Variants in PKHD1 observed in about 807,000 individuals in gnomAD.
PKHD1 encodes the protein fibrocystin.
Under a neutral mutation model 412.0 loss-of-function variants are expected in PKHD1, and 291 were observed. The ratio of observed to expected loss-of-function variants is 0.71; its 90% CI spans 0.64 to 0.78. PKHD1 has a LOEUF of 0.78. Among genes scored for constraint, PKHD1 ranks in the 30% least tolerant of loss-of-function variants. The pLI, the probability that PKHD1 is intolerant of heterozygous loss-of-function variation, is 0.00. For missense variants in PKHD1, 4,825 were observed against 4,950.7 expected (o/e 0.97, Z 0.76); for synonymous variants, 1,777 against 1,821.5 (o/e 0.98, Z 0.62).
At chr6:51,931,820 G>A (rs921356834) in intron 37 of PKHD1, among the ~76,000 whole-genome samples, 1 of 151,708 alleles carries the variant, frequency 6.6e-6, no homozygotes, top group Non-Finnish European at 1.5e-5. Flanking sequence ...ATAGGAAAAG[G>A]GGGAGAGAGA....
At chr6:51,783,297 T>C (rs1409601376) in intron 53 of PKHD1, among the ~76,000 whole-genome samples, 4 of 148,902 alleles carry the variant, frequency 2.7e-5, no homozygotes, top group African/African-American at 9.8e-5. Flanking sequence ...CTATTAAACT[T>C]TAAATATCCA....
intron 43 of PKHD1, among the ~76,000 whole-genome samples, chr6:51,889,088 G>A (rs1778690182): frequency 6.6e-6 from 1 of 152,054 alleles, no homozygotes; most frequent in Admixed American, 6.6e-5. Context: ...GATGAAGGGA[G>A]TCTCCAAGGC....
At chr6:51,853,779 T>C (rs1772761260) in intron 49 of PKHD1, among the ~76,000 whole-genome samples, 1 of 152,224 alleles carries the variant, frequency 6.6e-6, no homozygotes, top group South Asian at 2.1e-4. Flanking sequence ...GTCGTTTATA[T>C]TCCTCTCTAA....
chr6:52,058,875 T>G (rs947874581), intron 15 of PKHD1, among the ~76,000 whole-genome samples: 1 of 152,104 alleles, frequency 6.6e-6, no homozygotes, highest in East Asian at 1.9e-4. Flanking sequence ...ACAACCAACC[T>G]AAACCCTAGG....
intron 13 of PKHD1, among the ~76,000 whole-genome samples, chr6:52,063,608 A>G (rs1809019057): frequency 6.6e-6 from 1 of 152,182 alleles, no homozygotes. Flanking sequence ...CCACCCCAGC[A>G]CTATTGATAT....
chr6:51,971,822 C>A lies in PKHD1; in HGVS notation c.5752-11796G>T, dbSNP rs370548784. Among the ~76,000 whole-genome samples, 21 of 152,156 alleles carry A rather than the reference C, an allele frequency of 1.4e-4. 1 individual carries two copies. Among genetic ancestry groups the A allele is most frequent in the African/African-American group, 4.8e-4 (20 of 41,532 alleles). On this transcript the variant is annotated intron_variant, in intron 35 of 66. Coordinates refer to ENST00000371117, the MANE Select transcript of PKHD1 (RefSeq NM_138694.4). ...CTCAAATCACTGCAGACTCGACCTCCTGGGATCAAGCAATCCTCCCACCCC... is the reference window on the plus strand; with the variant it reads ...CTCAAATCACTGCAGACTCGACCTCATGGGATCAAGCAATCCTCCCACCCC...
At chr6:51,670,044 C>A (rs1204559148) in intron 60 of PKHD1, among the ~76,000 whole-genome samples, 3 of 149,310 alleles carry the variant, frequency 2.0e-5, no homozygotes, top group Non-Finnish European at 4.5e-5. Context: ...GTGGAGAGTT[C>A]TGTAGATGTC....
intron 57 of PKHD1, among the ~76,000 whole-genome samples, chr6:51,751,613 G>A (rs1237766424): frequency 6.6e-6 from 1 of 152,158 alleles, no homozygotes; most frequent in Non-Finnish European, 1.5e-5. Flanking sequence ...AACCAGGCTC[G>A]AATCTACCAC....
chr6:51,981,337 C>G (rs1468151034), intron 35 of PKHD1, among the ~76,000 whole-genome samples: 2 of 64,598 alleles, frequency 3.1e-5, no homozygotes, highest in Non-Finnish European at 7.3e-5. Flanking sequence ...CCCTCTCCCT[C>G]TCCCTCTCCC....
At chr6:51,769,587 T>TA (rs1789705459) in intron 55 of PKHD1, among the ~76,000 whole-genome samples, 3 of 151,510 alleles carry the variant, frequency 2.0e-5, no homozygotes, top group African/African-American at 7.2e-5. Context: ...AATTTAATCT[T>TA]ACTAATTTTC....
At chr6:51,951,612 T>C (rs1034109315) in intron 36 of PKHD1, among the ~76,000 whole-genome samples, 22 of 152,274 alleles carry the variant, frequency 1.4e-4, no homozygotes, top group African/African-American at 5.3e-4. Context: ...TCTTATAGTA[T>C]TTATTAATTT....
intron 27 of PKHD1, among the ~76,000 whole-genome samples, chr6:52,037,904 C>T (rs918797897): frequency 1.3e-5 from 2 of 151,914 alleles, no homozygotes; most frequent in African/African-American, 2.4e-5. Flanking sequence ...AAAGTTGGAC[C>T]CTGTTTAGGG....
chr6:51,962,282 A>T (rs1211350711), intron 35 of PKHD1, among the ~76,000 whole-genome samples: 2 of 152,166 alleles, frequency 1.3e-5, no homozygotes, highest in Non-Finnish European at 2.9e-5. Flanking sequence ...CACACACAGT[A>T]AAATGATCGG....
intron 66 of PKHD1, among the ~76,000 whole-genome samples, chr6:51,625,472 G>A (rs921109129): frequency 6.6e-6 from 1 of 152,142 alleles, no homozygotes; most frequent in Non-Finnish European, 1.5e-5. Flanking sequence ...AATCTGCTGT[G>A]ATCCCCAGAG....
intron 1 of PKHD1, 61 bp from the exon 2 acceptor site, chr6:52,085,078 C>A: frequency 1.5e-6 from 1 of 686,648 alleles, no homozygotes; most frequent in Non-Finnish European, 2.7e-6. Flanking sequence ...GATTATTTTG[C>A]TGTTCTGAAA....
chr6:51,866,137 A>G (rs1177339162), intron 48 of PKHD1, among the ~76,000 whole-genome samples: 3 of 152,152 alleles, frequency 2.0e-5, no homozygotes, highest in Non-Finnish European at 2.9e-5. Context: ...AGGTGAGCAC[A>G]TCAGGGCCAA....
chr6:52,073,573 G>T (rs1422853862), intron 6 of PKHD1, 32 bp from the exon 7 acceptor site: 1 of 1,251,356 alleles, frequency 8.0e-7, no homozygotes. Flanking sequence ...TAATTTAATG[G>T]ACTTAGCTCA....
intron 52 of PKHD1, among the ~76,000 whole-genome samples, chr6:51,804,111 T>C (rs942616387): frequency 6.6e-6 from 1 of 151,328 alleles, no homozygotes; most frequent in African/African-American, 2.5e-5. Flanking sequence ...CCAGGCAACA[T>C]TTCAAAGTAA....
chr6:51,758,069 G>GA (rs1290479107), intron 55 of PKHD1, among the ~76,000 whole-genome samples: 3 of 137,386 alleles, frequency 2.2e-5, no homozygotes, highest in East Asian at 4.1e-4. Context: ...AAGCAAACAG[G>GA]AAAAAAATCA....
Sources: allele counts gnomAD v4.1 joint callset (sites outside exome capture counted in the v4.1 genomes callset), GRCh38; gene constraint gnomAD v4.1.1; transcripts MANE v1.5; gene names NCBI Gene and HGNC (gene_info 2026-07-23, HGNC 2026-07-21).